The following MSI2 variants were observed in gnomAD, a reference collection of about 807,000 sequenced individuals.
MSI2 encodes musashi RNA binding protein 2.
MSI2 carries 17 observed loss-of-function variants against 45.6 expected under a neutral mutation model. The observed-to-expected ratio is 0.37, with a 90% CI of 0.26 to 0.56. The LOEUF is 0.56. Ranked by LOEUF, MSI2 falls within the 20% of genes least tolerant of loss-of-function variation. The probability of loss-of-function intolerance (pLI) is 0.77; values close to 1 mark genes in which losing one functional copy is unlikely to be tolerated. For synonymous variants in MSI2, 156 were observed against 158.2 expected, an observed-to-expected ratio of 0.99 and a Z score of 0.11; for missense variants, 293 against 444.2, an observed-to-expected ratio of 0.66 and a Z score of 3.06.
At chr17:57,440,418 G>A (rs2084777182) in intron 6 of MSI2, among the ~76,000 whole-genome samples, 1 of 99,150 alleles carries the variant, frequency 1.0e-5, no homozygotes, top group Non-Finnish European at 2.2e-5. Flanking sequence ...TTATCCGTGT[G>A]TGTGTGTGTG....
intron 9 of MSI2, chr17:57,626,103 G>T (rs1440665653): frequency 6.6e-6 from 1 of 152,142 alleles, no homozygotes; most frequent in African/African-American, 2.4e-5. Context: ...GATGGCCGGG[G>T]GGGTGGGCCT....
intron 6 of MSI2, among the ~76,000 whole-genome samples, chr17:57,457,577 C>T (rs1239770727): frequency 2.6e-5 from 4 of 151,730 alleles, no homozygotes; most frequent in Non-Finnish European, 5.9e-5. Flanking sequence ...AATATGTTTC[C>T]CTCTTAGAAA....
chr17:57,691,178 T>TTC, the MSI2 span, among the ~76,000 whole-genome samples: 14,063 of 144,044 alleles, frequency 0.098, 771 homozygotes, highest in Non-Finnish European at 0.11. Context: ...CTCTCTCTCT[T>TTC]TCTCTCTCTC....
intron 7 of MSI2, among the ~76,000 whole-genome samples, chr17:57,557,509 T>G (rs2087464647): frequency 6.6e-6 from 1 of 152,214 alleles, no homozygotes; most frequent in South Asian, 2.1e-4. Flanking sequence ...TCAGTTACTT[T>G]CTGTTTGCTG....
chr17:57,451,130 G>C, intron 6 of MSI2, among the ~76,000 whole-genome samples: 1 of 152,180 alleles, frequency 6.6e-6, no homozygotes, highest in East Asian at 1.9e-4. Context: ...GTTGGGGGTT[G>C]AGTACCAGAT....
intron 6 of MSI2, among the ~76,000 whole-genome samples, chr17:57,506,170 C>T (rs1282843529): frequency 6.6e-6 from 1 of 152,210 alleles, no homozygotes; most frequent in Non-Finnish European, 1.5e-5. Context: ...CTAGGTCTGT[C>T]CAGGGCAGGA....
chr17:57,526,408 T>TGTGA (rs1176865306), intron 6 of MSI2, among the ~76,000 whole-genome samples: 2 of 118,532 alleles, frequency 1.7e-5, no homozygotes, highest in East Asian at 2.5e-4. Flanking sequence ...TGTGTGTGTG[T>TGTGA]GACAGAGAGA....
chr17:57,625,002 C>T lies in MSI2; in HGVS notation c.653-2227C>T, dbSNP rs553803773. Among the ~76,000 whole-genome samples the T allele has an allele frequency of 2.6e-3, 403 of 152,164 alleles. 2 individuals are homozygous for T. The highest frequency in any genetic ancestry group is 8.9e-3 in the South Asian group (43 of 4,814). On this transcript the variant is annotated intron_variant, in intron 9 of 13. Transcript: ENST00000284073. ...GGCTGATTCTGTGTCTGGTGAGGGC[C>T]CGCTTCCTCATAGATGGCCCCTTCT...
chr17:57,579,721 A>G (rs1352244536), intron 7 of MSI2, among the ~76,000 whole-genome samples: 2 of 152,204 alleles, frequency 1.3e-5, no homozygotes, highest in African/African-American at 2.4e-5. Context: ...AGTAATGAGA[A>G]TGGTCCTCTA....
chr17:57,389,821 T>G (rs1232489510), intron 5 of MSI2, among the ~76,000 whole-genome samples: 1 of 152,338 alleles, frequency 6.6e-6, no homozygotes, highest in East Asian at 1.9e-4. Flanking sequence ...CCCCACTTTA[T>G]GCGTAGTTTG....
the MSI2 span, among the ~76,000 whole-genome samples, chr17:57,691,203 C>T: frequency 5.5e-5 from 4 of 72,368 alleles, no homozygotes; most frequent in African/African-American, 2.5e-4. Context: ...TCTCTCTCAT[C>T]TATCTATCTA....
intron 10 of MSI2, among the ~76,000 whole-genome samples, chr17:57,649,895 A>G (rs546004708): frequency 6.6e-6 from 1 of 152,302 alleles, no homozygotes; most frequent in Admixed American, 6.5e-5. Context: ...TGTAGGGCAC[A>G]GAGGCAGTGG....
chr17:57,389,284 TC>T (rs1222126016), intron 5 of MSI2, among the ~76,000 whole-genome samples: 2 of 152,142 alleles, frequency 1.3e-5, no homozygotes, highest in African/African-American at 2.4e-5. Flanking sequence ...AGCCCCCTGC[TC>T]TTCTTTTTAA....
chr17:57,490,610 G>A lies in MSI2; in HGVS notation c.406-39066G>A, dbSNP rs537890076. Among the ~76,000 whole-genome samples, 6 of 152,326 alleles carry A rather than the reference G, an allele frequency of 3.9e-5. 1 individual carries two copies. The highest frequency in any genetic ancestry group is 1.4e-4 in the African/African-American group (6 of 41,566). ...TGTATTGGGTTCACTTGTGTGTCCT[G>A]GCTCCTAAAGCAAAGGGATTATCCT... On this transcript the variant is annotated intron_variant, in intron 6 of 13. Transcript: ENST00000284073.
chr17:57,285,957 A>T (rs1399529514), intron 5 of MSI2: 1 of 1,534,672 alleles, frequency 6.5e-7, no homozygotes, highest in Non-Finnish European at 8.7e-7. Flanking sequence ...TTTATTCAAC[A>T]TGGATGGAGT....
intron 10 of MSI2, among the ~76,000 whole-genome samples, chr17:57,643,270 C>G (rs975542516): frequency 1.4e-4 from 21 of 152,226 alleles, no homozygotes; most frequent in African/African-American, 4.8e-4. Context: ...CTCAGAGAGA[C>G]TGGAGGAAGG....
chr17:57,450,950 GT>G (rs1484123032), intron 6 of MSI2, among the ~76,000 whole-genome samples: 3 of 152,022 alleles, frequency 2.0e-5, no homozygotes, highest in Admixed American at 2.0e-4. Flanking sequence ...TGATGGACAA[GT>G]TTTTTTTAAC....
intron 10 of MSI2, among the ~76,000 whole-genome samples, chr17:57,639,978 G>A (rs1910128896): frequency 1.3e-5 from 2 of 152,210 alleles, no homozygotes; most frequent in African/African-American, 4.8e-5. Flanking sequence ...ACACAGTGGT[G>A]AATGAGAGGT....
Position 57,280,696 on chromosome 17 carries a change from T to C in MSI2, c.312+18504T>C, listed in dbSNP as rs982684113. ...ACTCTTAGTGACGGACCCCTATTGG[T>C]AAACTTGTTTTTGAGCTTGCACTGT... On this transcript the variant is annotated intron_variant, in intron 5 of 13. Coordinates refer to ENST00000284073, the MANE Select transcript of MSI2 (RefSeq NM_138962.4). The surrounding 1 kb of genome is among the most constrained non-coding windows in gnomAD (Gnocchi z 4.2). Among the ~76,000 whole-genome samples, 1 of 152,144 alleles carries C rather than the reference T, an allele frequency of 6.6e-6. No homozygotes were observed. Among genetic ancestry groups the C allele is most frequent in the Non-Finnish European group, 1.5e-5 (1 of 68,036 alleles).
Sources: allele counts gnomAD v4.1 joint callset (sites outside exome capture counted in the v4.1 genomes callset), GRCh38; gene constraint gnomAD v4.1.1; non-coding constraint Gnocchi (gnomAD v3.1); transcripts MANE v1.5; gene names NCBI Gene and HGNC (gene_info 2026-07-23, HGNC 2026-07-21).